LSP1: variants seen among roughly 807,000 people sequenced by gnomAD.
LSP1 encodes lymphocyte-specific protein 1.
LSP1 carries 32 observed loss-of-function variants against 49.3 expected under a neutral mutation model. The ratio of observed to expected loss-of-function variants is 0.65; its 90% CI spans 0.49 to 0.87. LSP1 has a LOEUF of 0.87. Among genes scored for constraint, LSP1 ranks in the 40% least tolerant of loss-of-function variants. LSP1 has a pLI of 0.00. For synonymous variants in LSP1, 179 were observed against 178.8 expected (o/e 1.00, Z -0.01); for missense variants, 428 against 442.6 (o/e 0.97, Z 0.30).
chr11:1,877,186 C>A (rs1363360678), intron 1 of LSP1, among the ~76,000 whole-genome samples: 1 of 152,172 alleles, frequency 6.6e-6, no homozygotes, highest in Non-Finnish European at 1.5e-5. Context: ...CCCCACCCCA[C>A]CCCAGGAGAG....
At chr11:1,889,032 C>T in intron 10 of LSP1, 1 of 574,100 alleles carries the variant, frequency 1.7e-6, no homozygotes, top group Non-Finnish European at 3.1e-6. Context: ...GCACCCCATG[C>T]CCCTTGGGCC....
intron 1 of LSP1, chr11:1,876,511 G>C (rs1589821765): frequency 1.3e-5 from 13 of 985,438 alleles, no homozygotes; most frequent in Non-Finnish European, 1.6e-5. Context: ...CAGAGAGGAC[G>C]GACCCTCTCC....
intron 1 of LSP1, among the ~76,000 whole-genome samples, chr11:1,860,984 C>G (rs561463062): frequency 4.3e-4 from 65 of 152,200 alleles, no homozygotes; most frequent in Non-Finnish European, 8.1e-4. Flanking sequence ...GTGGATATAA[C>G]AAGAGATGAG....
chr11:1,887,671 C>T lies in LSP1; in HGVS notation c.*13+95C>T, dbSNP rs73410976. ...CTGGAGGCTGCCTGGAGCCCTGTTG[C>T]AGGCTACAAGGGTGGACTCCGAGTT... On this transcript the variant is annotated intron_variant, in intron 10 of 10. Coordinates refer to ENST00000311604, the MANE Select transcript of LSP1 (RefSeq NM_002339.3). 8.7e-3 allele frequency: 8,377 copies of T among 965,672 alleles called. 430 individuals carry two copies. In the African/African-American group the frequency reaches 0.11, roughly 13 times the overall value. 59.8% of individuals were successfully genotyped at this position (965,672 alleles called of 1,614,324 possible).
At chr11:1,855,868 G>T (rs941348325) in intron 1 of LSP1, among the ~76,000 whole-genome samples, 2 of 152,216 alleles carry the variant, frequency 1.3e-5, no homozygotes, top group Non-Finnish European at 2.9e-5. Context: ...TCCCCACACT[G>T]AGGAACTATC....
At chr11:1,867,489 T>G (rs1489150191) in intron 1 of LSP1, among the ~76,000 whole-genome samples, 4 of 151,990 alleles carry the variant, frequency 2.6e-5, no homozygotes, top group Non-Finnish European at 5.9e-5. Flanking sequence ...GACTGCCCCC[T>G]ACCCACTCCC....
At chr11:1,870,623 G>T in intron 1 of LSP1, 1 of 1,099,286 alleles carries the variant, frequency 9.1e-7, no homozygotes, top group South Asian at 2.5e-5. Context: ...AGGCTGGCTT[G>T]GTCCTTCTCT....
intron 1 of LSP1, among the ~76,000 whole-genome samples, chr11:1,865,694 C>T (rs1847768382): frequency 6.6e-6 from 1 of 151,370 alleles, no homozygotes. Context: ...GCACTGTCAC[C>T]TGCTCACACC....
Position 1,853,130 on chromosome 11 carries a change from C to G in LSP1, c.-15C>G. ...GGGATCTGCCAGCACCCTGTGGGGC[C>G]CAGACTACAGGCTGATGGCGGAGGC... On this transcript the variant is annotated 5_prime_UTR_variant, in exon 1 of 11. Transcript: ENST00000311604. 6.2e-7 allele frequency: 1 copy of G among 1,607,760 alleles called. No homozygotes were observed.
intron 7 of LSP1, among the ~76,000 whole-genome samples, chr11:1,885,096 A>G (rs922264672): frequency 6.6e-6 from 1 of 150,778 alleles, no homozygotes; most frequent in Non-Finnish European, 1.5e-5. Context: ...CCTCCATCCA[A>G]TACTACTCCA....
At chr11:1,882,662 C>A (rs111868651) in intron 3 of LSP1, among the ~76,000 whole-genome samples, 88 of 152,238 alleles carry the variant, frequency 5.8e-4, no homozygotes, top group African/African-American at 1.8e-3. Context: ...GCTCTGCGGC[C>A]GCCACCCCAC....
chr11:1,885,302 C>G (rs1848711062), intron 7 of LSP1, among the ~76,000 whole-genome samples: 1 of 151,940 alleles, frequency 6.6e-6, no homozygotes, highest in East Asian at 1.9e-4. Flanking sequence ...CAATCGGTAC[C>G]TCTCCATCCA....
intron 1 of LSP1, chr11:1,876,336 G>A (rs529466909): frequency 9.7e-6 from 5 of 514,774 alleles, no homozygotes; most frequent in Middle Eastern, 9.5e-4. Context: ...AGGGAGCCCC[G>A]AACCACCCTG....
rs149232577 is a variant in LSP1, at chr11:1,881,377, C to T, written c.192-55C>T. Reference sequence around the variant, plus strand: ...GGGCGCCGTGAGGTGAGTGTGGGCCCTGGGCAGAGGAGGCAGCAGCCGCCC... The same window carrying T: ...GGGCGCCGTGAGGTGAGTGTGGGCCTTGGGCAGAGGAGGCAGCAGCCGCCC... On this transcript the variant is annotated intron_variant, in intron 2 of 10. Coordinates refer to ENST00000311604, the MANE Select transcript of LSP1 (RefSeq NM_002339.3). 5,965 of 1,500,422 alleles carry T rather than the reference C, an allele frequency of 4.0e-3. 17 individuals are homozygous for T. The highest frequency in any genetic ancestry group is 4.5e-3 in the Non-Finnish European group (5,055 of 1,119,564). 92.9% of individuals were successfully genotyped at this position (1,500,422 alleles called of 1,614,324 possible). A position where few individuals can be genotyped will look rare whatever the true frequency, so the allele number is the denominator to read the frequency against.
Position 1,870,884 on chromosome 11 carries a change from C to T in LSP1, c.54-9203C>T, listed in dbSNP as rs1847969162. 26 of 986,048 alleles carry T rather than the reference C, an allele frequency of 2.6e-5. No individual in the cohort carries two copies. In the South Asian group the frequency reaches 1.1e-3, roughly 41 times the overall value. The allele number at this position is 986,048 out of a possible 1,614,324, so 61.1% of individuals were successfully genotyped here. A position where few individuals can be genotyped will look rare whatever the true frequency, so the allele number is the denominator to read the frequency against. On this transcript the variant is annotated intron_variant, in intron 1 of 10. Coordinates refer to ENST00000311604, the MANE Select transcript of LSP1 (RefSeq NM_002339.3). ...CCTCGTGAGCACGGCAAGAGCTCTG[C>T]CAGGGCAGTCCCAGCTGGCCCAGGC... is the stretch of plus-strand genomic sequence containing the variant.
intron 1 of LSP1, chr11:1,869,712 G>C: frequency 2.1e-6 from 1 of 470,810 alleles, no homozygotes; most frequent in Non-Finnish European, 4.4e-6. Flanking sequence ...GGATGCTGGA[G>C]GAACGCAGTG....
intron 1 of LSP1, among the ~76,000 whole-genome samples, chr11:1,874,033 C>T (rs1398794001): frequency 3.5e-5 from 4 of 114,886 alleles, no homozygotes; most frequent in South Asian, 2.9e-4. Context: ...GGAGGGAGGC[C>T]GGCAGAGGAG....
chr11:1,866,534 A>G (rs1370759267), intron 1 of LSP1: 75 of 1,535,000 alleles, frequency 4.9e-5, no homozygotes, highest in Admixed American at 1.0e-4. Flanking sequence ...GTTCAGGACC[A>G]GCACCAGGAT....
At chr11:1,869,970 G>A (rs1847930287) in intron 1 of LSP1, among the ~76,000 whole-genome samples, 2 of 152,110 alleles carry the variant, frequency 1.3e-5, no homozygotes, top group Non-Finnish European at 2.9e-5. Context: ...TGGAGCCCCA[G>A]CCACGTCATC....
Sources: gnomAD v4.1 joint callset for allele counts (sites outside exome capture counted in the v4.1 genomes callset) on GRCh38, gnomAD v4.1.1 for gene constraint, MANE v1.5 for transcripts, NCBI Gene and HGNC (gene_info 2026-07-23, HGNC 2026-07-21) for gene names.